The following STAC variants were observed in gnomAD, a reference collection of about 807,000 sequenced individuals.
The protein encoded by STAC is SH3 and cysteine rich domain.
In STAC, 43 loss-of-function variants were observed where a neutral mutation model predicts 48.8. The ratio of observed to expected loss-of-function variants is 0.88; its 90% CI spans 0.69 to 1.14. The LOEUF (loss-of-function observed/expected upper bound fraction) is 1.14. Ranked by LOEUF, STAC falls within the 50% of genes most tolerant of loss-of-function variation. STAC has a pLI of 0.00. For synonymous variants in STAC, 193 were observed against 179.5 expected, an observed-to-expected ratio of 1.07 and a Z score of -0.60; for missense variants, 497 against 504.0, an observed-to-expected ratio of 0.99 and a Z score of 0.13.
intron 1 of STAC, among the ~76,000 whole-genome samples, chr3:36,395,026 G>T (rs1032336697): frequency 1.5e-3 from 220 of 148,244 alleles, no homozygotes; most frequent in African/African-American, 4.1e-3. Context: ...AAGATATATA[G>T]ATATATATAT....
chr3:36,386,821 G>T (rs1450704235), intron 1 of STAC, among the ~76,000 whole-genome samples: 2 of 152,078 alleles, frequency 1.3e-5, no homozygotes, highest in Non-Finnish European at 2.9e-5. Flanking sequence ...AAGCCCTGGA[G>T]CTTTGCTCTT....
At position 36,443,176 on chromosome 3, in the gene STAC, G is replaced by A. The variant is rs80037054; in HGVS notation, c.112-188G>A. On this transcript the variant is annotated intron_variant, in intron 1 of 10. Transcript: ENST00000273183. The surrounding 1 kb of genome is among the most constrained non-coding windows in gnomAD (Gnocchi z 4.2). ...TTCTGCTCATCTGGCTTAGTGGCAG[G>A]GGCGGGGGAAATTCCCTCTTTACTA... 0.021 allele frequency among the ~76,000 whole-genome samples: 3,131 copies of A among 152,176 alleles called. 96 individuals carry two copies. The highest frequency in any genetic ancestry group is 0.07 in the African/African-American group (2,923 of 41,486).
At chr3:36,454,595 T>C (rs565755152) in intron 2 of STAC, among the ~76,000 whole-genome samples, 4 of 152,248 alleles carry the variant, frequency 2.6e-5, no homozygotes, top group African/African-American at 7.2e-5. Flanking sequence ...ATCTCCCCTC[T>C]CCACTCCATC....
intron 1 of STAC, among the ~76,000 whole-genome samples, chr3:36,398,645 AGAAAG>A (rs1699934524): frequency 8.4e-6 from 1 of 118,782 alleles, no homozygotes; most frequent in African/African-American, 3.0e-5. Context: ...AAAGAAAGAA[AGAAAG>A]AGAAAGAAAG....
chr3:36,527,782 C>T (rs1219208544), intron 8 of STAC, among the ~76,000 whole-genome samples: 1 of 152,174 alleles, frequency 6.6e-6, no homozygotes, highest in Non-Finnish European at 1.5e-5. Context: ...AACAAAAACA[C>T]ATTAGTCTTC....
At chr3:36,428,854 G>C (rs1700626525) in intron 1 of STAC, among the ~76,000 whole-genome samples, 1 of 152,158 alleles carries the variant, frequency 6.6e-6, no homozygotes, top group African/African-American at 2.4e-5. Flanking sequence ...CTATGCTAAG[G>C]TTTTGAGCAG....
At chr3:36,411,196 T>C (rs1473610046) in intron 1 of STAC, among the ~76,000 whole-genome samples, 1 of 152,198 alleles carries the variant, frequency 6.6e-6, no homozygotes, top group Admixed American at 6.5e-5. Context: ...AACATACCAC[T>C]TCTTACCATG....
chr3:36,409,838 T>C (rs1360051688), intron 1 of STAC: 1 of 152,136 alleles, frequency 6.6e-6, no homozygotes, highest in African/African-American at 2.4e-5. Flanking sequence ...AATAAACAGA[T>C]GAGGGAAAGC....
intron 1 of STAC, among the ~76,000 whole-genome samples, chr3:36,416,150 G>A (rs1700314602): frequency 6.6e-6 from 1 of 152,000 alleles, no homozygotes; most frequent in Non-Finnish European, 1.5e-5. Flanking sequence ...AATTTTTATA[G>A]TAACTTGGAA....
intron 2 of STAC, among the ~76,000 whole-genome samples, chr3:36,481,544 T>C (rs1697647308): frequency 1.3e-5 from 2 of 152,182 alleles, no homozygotes; most frequent in African/African-American, 4.8e-5. Context: ...GTGGGGTATC[T>C]TGACTTCATG....
chr3:36,503,625 GT>G (rs1378686187), intron 6 of STAC, among the ~76,000 whole-genome samples: 1 of 151,982 alleles, frequency 6.6e-6, no homozygotes, highest in Non-Finnish European at 1.5e-5. Context: ...TAGAGATGGG[GT>G]TTCACCAAGT....
intron 10 of STAC, among the ~76,000 whole-genome samples, chr3:36,538,903 T>C (rs1032105067): frequency 6.6e-6 from 1 of 152,206 alleles, no homozygotes; most frequent in Admixed American, 6.5e-5. Flanking sequence ...CTCTAGTTTA[T>C]CATTTGCCCT....
At chr3:36,521,473 C>A (rs1253602225) in intron 8 of STAC, among the ~76,000 whole-genome samples, 1 of 152,122 alleles carries the variant, frequency 6.6e-6, no homozygotes, top group Non-Finnish European at 1.5e-5. Context: ...CAATCAGCCA[C>A]CTGGGTAATA....
chr3:36,384,949 T>C (rs1699585832), intron 1 of STAC, among the ~76,000 whole-genome samples: 1 of 152,168 alleles, frequency 6.6e-6, no homozygotes, highest in African/African-American at 2.4e-5. Flanking sequence ...CATACATATA[T>C]GTGAAGCTGT....
intron 1 of STAC, among the ~76,000 whole-genome samples, chr3:36,412,951 G>A (rs1021371292): frequency 1.3e-5 from 2 of 152,160 alleles, no homozygotes; most frequent in South Asian, 2.1e-4. Flanking sequence ...TCATTCAGGA[G>A]CAGGTTGTTC....
intron 1 of STAC, among the ~76,000 whole-genome samples, chr3:36,411,323 T>G (rs569089229): frequency 2.0e-5 from 3 of 152,208 alleles, no homozygotes; most frequent in African/African-American, 7.2e-5. Context: ...AGTCAAGTAA[T>G]GATGTTCTAT....
chr3:36,529,053 A>G, intron 10 of STAC, 68 bp downstream of exon 10: 1 of 1,450,248 alleles, frequency 6.9e-7, no homozygotes, highest in Non-Finnish European at 9.3e-7. Context: ...AAACTTAATA[A>G]TATGTATAAA....
intron 5 of STAC, 105 bp downstream of exon 5, chr3:36,486,354 G>T: frequency 1.1e-6 from 1 of 952,152 alleles, no homozygotes. Flanking sequence ...CATGAGGGCA[G>T]GTCTGCAGGG....
chr3:36,498,536 T>C (rs1160165528), intron 6 of STAC, among the ~76,000 whole-genome samples: 1 of 152,160 alleles, frequency 6.6e-6, no homozygotes, highest in Admixed American at 6.6e-5. Context: ...GGAGAATTGC[T>C]TGAGCCCGGG....
Sources: gnomAD v4.1 joint callset for allele counts (sites outside exome capture counted in the v4.1 genomes callset) on GRCh38, gnomAD v4.1.1 for gene constraint, Gnocchi (gnomAD v3.1) non-coding constraint, MANE v1.5 for transcripts, NCBI Gene and HGNC (gene_info 2026-07-23, HGNC 2026-07-21) for gene names.